Variants in LIPA observed in about 807,000 individuals in gnomAD.
The protein encoded by LIPA is lysosomal acid lipase/cholesteryl ester hydrolase.
A neutral mutation model predicts 40.6 loss-of-function variants in LIPA; 26 were observed. The observed-to-expected ratio is 0.64, with a 90% CI of 0.47 to 0.89. LIPA has a LOEUF of 0.89. Ranked by LOEUF, LIPA falls within the 40% of genes least tolerant of loss-of-function variation. LIPA has a pLI of 0.00. For synonymous variants in LIPA, 188 were observed against 168.4 expected (o/e 1.12, Z -0.90); for missense variants, 455 against 479.6 (o/e 0.95, Z 0.48).
intron 2 of LIPA, among the ~76,000 whole-genome samples, chr10:89,351,177 G>A (rs926428834): frequency 1.3e-5 from 2 of 152,180 alleles, no homozygotes; most frequent in African/African-American, 4.8e-5. Context: ...TTAGCGAGGT[G>A]TGGTGGCACA....
intron 2 of LIPA, chr10:89,402,324 T>C (rs963634904): frequency 2.5e-6 from 4 of 1,613,842 alleles, no homozygotes; most frequent in African/African-American, 1.3e-5. Context: ...TCTGGAGCAA[T>C]TGAGATGTCA....
chr10:89,390,906 T>C (rs1844243164), intron 2 of LIPA, among the ~76,000 whole-genome samples: 1 of 152,284 alleles, frequency 6.6e-6, no homozygotes, highest in South Asian at 2.1e-4. Context: ...ATTCATCTGT[T>C]TCAGCATTTG....
At chr10:89,407,810 C>T (rs1841435998) in intron 2 of LIPA, among the ~76,000 whole-genome samples, 1 of 152,030 alleles carries the variant, frequency 6.6e-6, no homozygotes, top group Admixed American at 6.5e-5. Context: ...TCTAGGAGGA[C>T]AGGCAAGGGT....
At position 89,399,171 on chromosome 10, in the gene LIPA, T is replaced by G. The variant is rs1702023335; in HGVS notation, c.61+13620A>C. On this transcript the variant is annotated intron_variant, in intron 2 of 8. Coordinates refer to the LIPA transcript ENST00000371837. ...ATGTTTATTGGCCATTTGTATATTT[T>G]CTTTTGGGAAATGTCTATTTAAGTC... is the stretch of plus-strand genomic sequence containing the variant. Among the ~76,000 whole-genome samples, 4 of 152,342 alleles carry G rather than the reference T, an allele frequency of 2.6e-5. No individual in the cohort carries two copies. In the South Asian group the frequency reaches 8.3e-4, roughly 32 times the overall value.
chr10:89,395,129 A>G (rs1023451411), intron 2 of LIPA, among the ~76,000 whole-genome samples: 1 of 152,018 alleles, frequency 6.6e-6, no homozygotes, highest in Non-Finnish European at 1.5e-5. Flanking sequence ...CCTGGTGACC[A>G]CTTCCCTATA....
At chr10:89,265,155 C>T (rs114711603) in intron 1 of LIPA, among the ~76,000 whole-genome samples, 4 of 145,714 alleles carry the variant, frequency 2.7e-5, no homozygotes, top group African/African-American at 1.0e-4. Context: ...AGAGGCCAGG[C>T]AGTAGGAGCA....
At chr10:89,325,408 A>G (rs1200087554) in intron 1 of LIPA, among the ~76,000 whole-genome samples, 4 of 152,192 alleles carry the variant, frequency 2.6e-5, no homozygotes, top group Non-Finnish European at 5.9e-5. Flanking sequence ...ATAAAGACAC[A>G]TGTTCAAGTA....
chr10:89,375,121 G>A (rs984725083), intron 2 of LIPA, among the ~76,000 whole-genome samples: 1 of 152,238 alleles, frequency 6.6e-6, no homozygotes. Context: ...ACTGAATGCT[G>A]TTAAATGAGA....
At chr10:89,305,095 G>T (rs779579964) in intron 1 of LIPA, among the ~76,000 whole-genome samples, 6 of 152,062 alleles carry the variant, frequency 3.9e-5, no homozygotes, top group East Asian at 3.9e-4. Flanking sequence ...AGAGGTATGG[G>T]GGGGAGGGGA....
At chr10:89,243,108 C>T (rs1029397582) in intron 3 of LIPA, among the ~76,000 whole-genome samples, 1 of 152,120 alleles carries the variant, frequency 6.6e-6, no homozygotes, top group Non-Finnish European at 1.5e-5. Context: ...GAGAAGAGGA[C>T]GCGTTTCACT....
chr10:89,303,709 A>G (rs1039405709), intron 1 of LIPA, among the ~76,000 whole-genome samples: 2 of 152,238 alleles, frequency 1.3e-5, no homozygotes, highest in African/African-American at 4.8e-5. Context: ...GATAACCTCA[A>G]TTCTATTTAC....
chr10:89,381,927 G>A (rs897857572), intron 2 of LIPA, among the ~76,000 whole-genome samples: 10 of 151,608 alleles, frequency 6.6e-5, no homozygotes, highest in Non-Finnish European at 8.8e-5. Flanking sequence ...CTGGGACAAC[G>A]CTGGCTAATT....
At chr10:89,344,477 G>T (rs556881705), upstream of LIPA, among the ~76,000 whole-genome samples, 1 of 152,332 alleles carries the variant, frequency 6.6e-6, no homozygotes, top group East Asian at 1.9e-4. Flanking sequence ...AGACGTAAAT[G>T]ATGGGGCTAC....
At chr10:89,251,125 C>T (rs974232560) in intron 1 of LIPA, among the ~76,000 whole-genome samples, 5 of 152,200 alleles carry the variant, frequency 3.3e-5, no homozygotes, top group African/African-American at 1.2e-4. Flanking sequence ...TAAGCTCTTG[C>T]GAGGCGCCAG....
At chr10:89,358,471 T>A (rs1332477880) in intron 2 of LIPA, among the ~76,000 whole-genome samples, 1 of 152,236 alleles carries the variant, frequency 6.6e-6, no homozygotes. Context: ...GCGATATCTG[T>A]ATTCTCATGT....
intron 1 of LIPA, among the ~76,000 whole-genome samples, chr10:89,289,946 C>A (rs902651042): frequency 2.0e-5 from 3 of 150,006 alleles, no homozygotes; most frequent in Admixed American, 1.3e-4. Context: ...CTTTGCATTT[C>A]TCTTTCCTAC....
chr10:89,346,758 G>T (rs1589617768), upstream of LIPA, among the ~76,000 whole-genome samples: 1 of 152,204 alleles, frequency 6.6e-6, no homozygotes, highest in African/African-American at 2.4e-5. Context: ...ATCCACCAGG[G>T]GATGGACAGG....
chr10:89,250,699 C>A (rs1360388333), intron 1 of LIPA, among the ~76,000 whole-genome samples: 1 of 152,222 alleles, frequency 6.6e-6, no homozygotes, highest in Non-Finnish European at 1.5e-5. Flanking sequence ...AGAGGAAGGT[C>A]CATGAGAGTA....
chr10:89,266,772 C>A (rs959408988), intron 1 of LIPA, among the ~76,000 whole-genome samples: 1 of 152,182 alleles, frequency 6.6e-6, no homozygotes, highest in Non-Finnish European at 1.5e-5. Context: ...TGTTCCAGAG[C>A]AAGAATGGTC....
Sources: allele counts gnomAD v4.1 joint callset (sites outside exome capture counted in the v4.1 genomes callset), GRCh38; gene constraint gnomAD v4.1.1; transcripts MANE v1.5; gene names NCBI Gene and HGNC (gene_info 2026-07-23, HGNC 2026-07-21).